The following TUBB3 variants were observed in gnomAD, a reference collection of about 807,000 sequenced individuals.
TUBB3 encodes tubulin beta-3 chain.
Under a neutral mutation model 37.8 loss-of-function variants are expected in TUBB3, and 17 were observed. The ratio of observed to expected loss-of-function variants is 0.45; its 90% CI spans 0.31 to 0.67. The LOEUF (loss-of-function observed/expected upper bound fraction) is 0.67, where lower values mean the gene tolerates loss of function less well. TUBB3 is among the 30% of genes least tolerant of loss of function. The probability of loss-of-function intolerance (pLI) is 0.07; values close to 1 mark genes in which losing one functional copy is unlikely to be tolerated. For missense variants in TUBB3, 262 were observed against 657.9 expected, an observed-to-expected ratio of 0.40 and a Z score of 6.58; for synonymous variants, 332 against 278.9, an observed-to-expected ratio of 1.19 and a Z score of -1.90.
chr16:89,933,676 C>T (rs1338695991), intron 3 of TUBB3, 98 bp downstream of exon 3: 6 of 933,962 alleles, frequency 6.4e-6, no homozygotes, highest in African/African-American at 3.2e-5. Flanking sequence ...GAATGGTCAG[C>T]TCCTCACATG....
At chr16:89,924,366 C>T (rs1182997659) in intron 1 of TUBB3, among the ~76,000 whole-genome samples, 3 of 152,022 alleles carry the variant, frequency 2.0e-5, no homozygotes, top group African/African-American at 4.8e-5. Flanking sequence ...CCTTGGTTCT[C>T]ATCCCCTGCA....
rs758721601 is a variant in TUBB3 at position 89,935,068 on chromosome 16, C to T, written c.617C>T (p.Ala206Val). 1 of 1,614,190 alleles carries T rather than the reference C, an allele frequency of 6.2e-7. No individual in the cohort carries two copies. The highest frequency in any genetic ancestry group is 1.3e-5 in the African/African-American group (1 of 75,058). The change falls in exon 4 of 4, where the codon GCG becomes GTG. Residue 206 changes from alanine to valine, a missense_variant. This residue lies in a region of TUBB3 where 165 missense variants were observed against 556.8 expected (regional missense o/e 0.30). Transcript: ENST00000315491. ...TDETYCIDNE[A>V]LYDICFRTLK... ...GAGACCTACTGCATCGACAACGAGGCGCTCTACGACATCTGCTTCCGCACC... is the reference window on the plus strand; with the variant it reads ...GAGACCTACTGCATCGACAACGAGGTGCTCTACGACATCTGCTTCCGCACC...
At chr16:89,925,303 C>T (rs1445040187) in intron 1 of TUBB3, among the ~76,000 whole-genome samples, 1 of 151,898 alleles carries the variant, frequency 6.6e-6, no homozygotes, top group African/African-American at 2.4e-5. Flanking sequence ...AAATTAATAC[C>T]TGGCCGGGCA....
chr16:89,930,803 A>G (rs1170861397), intron 1 of TUBB3, among the ~76,000 whole-genome samples: 8 of 148,042 alleles, frequency 5.4e-5, no homozygotes, highest in Non-Finnish European at 1.2e-4. Flanking sequence ...AGCAGTTTCC[A>G]CTAAAGTCAC....
In TUBB3 at chr16:89,935,147, C is replaced by G; in HGVS notation, c.696C>G (p.Thr232=). The change falls in exon 4 of 4, where the codon ACC becomes ACG. Residue 232 remains threonine, a synonymous_variant. Transcript: ENST00000315491. ...ACCTCAACCACCTGGTATCGGCCAC[C>G]ATGAGCGGAGTCACCACCTCCTTGC... ...YGDLNHLVSA[T]MSGVTTSLRF... The G allele has an allele frequency of 1.2e-6, 2 of 1,614,068 alleles. No homozygotes were observed. Among genetic ancestry groups the G allele is most frequent in the Middle Eastern group, 1.7e-4 (1 of 6,060 alleles).
chr16:89,935,749 A>C lies in TUBB3; in HGVS notation c.1298A>C (p.Glu433Ala). 6.2e-7 allele frequency: 1 copy of C among 1,613,930 alleles called. No homozygotes were observed. The highest frequency in any genetic ancestry group is 8.5e-7 in the Non-Finnish European group (1 of 1,179,960). The change falls in exon 4 of 4, where the codon GAG becomes GCG. Residue 433 changes from glutamate (E) to alanine (A), a missense_variant. Glu to Ala is a moderately radical substitution (Grantham distance 107, BLOSUM62 -1). Transcript: ENST00000315491. Reference protein sequence around the residue: ...QQYQDATAEEEGEMYEDDEEE... With the variant: ...QQYQDATAEEAGEMYEDDEEE... ...TACCAGGACGCCACGGCCGAGGAAGAGGGCGAGATGTACGAAGACGACGAG... is the reference window on the plus strand; with the variant it reads ...TACCAGGACGCCACGGCCGAGGAAGCGGGCGAGATGTACGAAGACGACGAG...
chr16:89,932,860 A>C, intron 2 of TUBB3, 181 bp downstream of exon 2: 1 of 634,768 alleles, frequency 1.6e-6, no homozygotes, highest in Admixed American at 2.4e-5. Flanking sequence ...CACAGAACAG[A>C]CAATAAATCA....
chr16:89,932,463 G>A lies in TUBB3; in HGVS notation c.58-108G>A, dbSNP rs2030311059. 3 of 870,584 alleles carry A rather than the reference G, an allele frequency of 3.4e-6. No individual in the cohort carries two copies. In the Admixed American group the frequency reaches 5.7e-5, roughly 16 times the overall value. 53.9% of individuals were successfully genotyped at this position (870,584 alleles called of 1,614,324 possible). On this transcript the variant is annotated intron_variant, in intron 1 of 3. Transcript: ENST00000315491. Reference sequence around the variant, plus strand: ...CTGAATGGGGCTCGTGGAGGCCGTGGGTCAAAAGCCCTAATTTTGTAGTGA... The same window carrying A: ...CTGAATGGGGCTCGTGGAGGCCGTGAGTCAAAAGCCCTAATTTTGTAGTGA...
In TUBB3 at chr16:89,935,774, G is replaced by C. The variant is rs376517378; in HGVS notation, c.1323G>C (p.Glu441Asp). 2.1e-5 allele frequency: 34 copies of C among 1,613,564 alleles called. No homozygotes were observed. The highest frequency in any genetic ancestry group is 2.5e-5 in the Non-Finnish European group (29 of 1,179,890). ...AGGGCGAGATGTACGAAGACGACGA[G>C]GAGGAGTCGGAGGCCCAGGGCCCCA... ...EEEGEMYEDD[E>D]EESEAQGPK Residue 441 changes from glutamate to aspartate, a missense_variant, in exon 4 of 4, where the codon GAG becomes GAC. Glu to Asp is a conservative substitution (Grantham distance 45, BLOSUM62 2). Around this residue, in one of 3 missense-constraint regions of TUBB3, gnomAD observed 39 missense variants for 26.9 expected, o/e 1.45. Transcript: ENST00000315491.
upstream of TUBB3, chr16:89,922,391 C>G (rs567612296): frequency 1.3e-5 from 2 of 152,576 alleles, no homozygotes; most frequent in South Asian, 2.1e-4. Context: ...GGTGGTGGCA[C>G]TGTAATATCT....
At chr16:89,934,659 A>G in intron 3 of TUBB3, 70 bp from the exon 4 acceptor site, 1 of 1,489,774 alleles carries the variant, frequency 6.7e-7, no homozygotes, top group South Asian at 1.1e-5. Context: ...TGGGATGTTC[A>G]GGCAGGGGCT....
intron 1 of TUBB3, chr16:89,931,819 C>A (rs1261373613): frequency 2.5e-6 from 1 of 397,882 alleles, no homozygotes; most frequent in Non-Finnish European, 5.2e-6. Context: ...GGAGCAGAGT[C>A]CGAGAAGCAC....
chr16:89,923,234 C>T, upstream of TUBB3: 1 of 303,630 alleles, frequency 3.3e-6, no homozygotes, highest in Non-Finnish European at 5.6e-6. Context: ...GCCTGCGGGC[C>T]GGGCGGGGCT....
At chr16:89,923,741 C>T (rs1028596760) in intron 1 of TUBB3, among the ~76,000 whole-genome samples, 1 of 152,192 alleles carries the variant, frequency 6.6e-6, no homozygotes, top group Admixed American at 6.5e-5. Context: ...ACCTGCACCC[C>T]CTCCACCGGG....
intron 1 of TUBB3, among the ~76,000 whole-genome samples, chr16:89,928,263 C>G (rs1250624845): frequency 6.6e-6 from 1 of 151,912 alleles, no homozygotes; most frequent in African/African-American, 2.4e-5. Flanking sequence ...ACCATGTTGC[C>G]CAGGCTGGTC....
At chr16:89,923,006 G>T (rs1392074884), upstream of TUBB3, among the ~76,000 whole-genome samples, 3 of 152,248 alleles carry the variant, frequency 2.0e-5, no homozygotes, top group Non-Finnish European at 4.4e-5. Context: ...TGTCGCAAGG[G>T]CGGAACCGAG....
Position 89,931,903 on chromosome 16 carries a change from G to A in TUBB3, c.58-668G>A, listed in dbSNP as rs749530451. 40 of 382,930 alleles carry A rather than the reference G, an allele frequency of 1.0e-4. 1 individual carries two copies. Among genetic ancestry groups the A allele is most frequent in the South Asian group, 6.7e-4 (36 of 53,592 alleles). 23.7% of individuals were successfully genotyped at this position (382,930 alleles called of 1,614,324 possible). A position where few individuals can be genotyped will look rare whatever the true frequency, so the allele number is the denominator to read the frequency against. On this transcript the variant is annotated intron_variant, in intron 1 of 3. Coordinates refer to ENST00000315491, the MANE Select transcript of TUBB3 (RefSeq NM_006086.4). ...GAGGACGACCCCTGGGAGCTGAGACGATGCCAGCCTCACACGGACAGGCTG... is the reference window on the plus strand; with the variant it reads ...GAGGACGACCCCTGGGAGCTGAGACAATGCCAGCCTCACACGGACAGGCTG...
At chr16:89,930,916 C>T (rs1055702685) in intron 1 of TUBB3, among the ~76,000 whole-genome samples, 1 of 151,978 alleles carries the variant, frequency 6.6e-6, no homozygotes, top group Non-Finnish European at 1.5e-5. Flanking sequence ...CAAGCTCCAC[C>T]TCCTGGGTTC....
chr16:89,929,568 G>A (rs984460543), intron 1 of TUBB3, among the ~76,000 whole-genome samples: 3 of 152,134 alleles, frequency 2.0e-5, no homozygotes, highest in Admixed American at 6.5e-5. Context: ...CCGTGTGCAC[G>A]TGAGAAAATC....
Sources: allele counts gnomAD v4.1 joint callset (sites outside exome capture counted in the v4.1 genomes callset), GRCh38; gene constraint gnomAD v4.1.1; regional missense constraint gnomAD v4.1.1; transcripts MANE v1.5; gene names NCBI Gene and HGNC (gene_info 2026-07-23, HGNC 2026-07-21).